ARMC9: variants seen among roughly 807,000 people sequenced by gnomAD.
The protein encoded by ARMC9 is lisH domain-containing protein ARMC9.
Under a neutral mutation model 107.0 loss-of-function variants are expected in ARMC9, and 94 were observed. That is an observed-to-expected ratio of 0.88 (90% CI 0.74 to 1.04). The LOEUF is 1.04. Ranked by LOEUF, ARMC9 falls within the 50% of genes least tolerant of loss-of-function variation. ARMC9 has a pLI of 0.00. For synonymous variants in ARMC9, 380 were observed against 396.9 expected (o/e 0.96, Z 0.51); for missense variants, 942 against 1,030.1 (o/e 0.91, Z 1.17).
intron 19 of ARMC9, among the ~76,000 whole-genome samples, chr2:231,329,968 A>G (rs898198207): frequency 6.6e-6 from 1 of 152,112 alleles, no homozygotes; most frequent in African/African-American, 2.4e-5. Context: ...TCCTTTTCCT[A>G]CAAATGTTCA....
intron 19 of ARMC9, among the ~76,000 whole-genome samples, chr2:231,313,645 G>T (rs1257180211): frequency 6.6e-6 from 1 of 151,964 alleles, no homozygotes; most frequent in African/African-American, 2.4e-5. Flanking sequence ...CCCTTGCCTG[G>T]GTCCCCCACC....
chr2:231,288,641 C>T (rs1195733950), intron 17 of ARMC9: 2 of 471,098 alleles, frequency 4.2e-6, no homozygotes, highest in Non-Finnish European at 8.8e-6. Context: ...GATGCTTTCT[C>T]TCATTTAATC....
chr2:231,299,997 C>T (rs749846530), intron 19 of ARMC9, among the ~76,000 whole-genome samples: 24 of 152,146 alleles, frequency 1.6e-4, no homozygotes, highest in Non-Finnish European at 3.2e-4. Context: ...ATGAAACAGA[C>T]GTAATATGTT....
intron 19 of ARMC9, among the ~76,000 whole-genome samples, chr2:231,321,072 G>C (rs545290119): frequency 1.3e-5 from 2 of 152,328 alleles, no homozygotes; most frequent in Admixed American, 6.5e-5. Context: ...AAGCCTCAGT[G>C]TTCTCATCTG....
intron 16 of ARMC9, among the ~76,000 whole-genome samples, chr2:231,279,286 T>A (rs1293477737): frequency 1.3e-5 from 2 of 152,208 alleles, no homozygotes; most frequent in African/African-American, 4.8e-5. Flanking sequence ...AGTAGAGGTA[T>A]GTATGGGTAA....
At chr2:231,222,055 G>A (rs1180396590) in intron 5 of ARMC9, among the ~76,000 whole-genome samples, 1 of 152,014 alleles carries the variant, frequency 6.6e-6, no homozygotes, top group Admixed American at 6.6e-5. Context: ...GCATTTTTGT[G>A]GAACTTCTTG....
chr2:231,222,944 C>A (rs2034295293), intron 6 of ARMC9, 124 bp downstream of exon 6: 2 of 580,104 alleles, frequency 3.4e-6, no homozygotes, highest in Non-Finnish European at 3.0e-6. Context: ...GTGTTGCTTT[C>A]ATATTTACAA....
At chr2:231,369,497 T>C (rs775654330) in intron 23 of ARMC9, among the ~76,000 whole-genome samples, 13 of 152,046 alleles carry the variant, frequency 8.6e-5, no homozygotes, top group Admixed American at 6.5e-4. Context: ...TCTCACCATA[T>C]TGGTCAGGCT....
chr2:231,212,120 TA>T (rs1290914712), intron 3 of ARMC9, among the ~76,000 whole-genome samples: 1 of 152,216 alleles, frequency 6.6e-6, no homozygotes, highest in Non-Finnish European at 1.5e-5. Context: ...TTTATGTGTA[TA>T]GTTCAGTAGT....
intron 19 of ARMC9, among the ~76,000 whole-genome samples, chr2:231,317,232 G>A (rs1490717366): frequency 1.3e-5 from 2 of 150,568 alleles, no homozygotes; most frequent in Non-Finnish European, 3.0e-5. Flanking sequence ...GCTCAATGGC[G>A]CAATCGTGGC....
chr2:231,245,675 T>G (rs1031513272), intron 9 of ARMC9, among the ~76,000 whole-genome samples: 1 of 152,226 alleles, frequency 6.6e-6, no homozygotes, highest in Non-Finnish European at 1.5e-5. Flanking sequence ...TGTGTATATT[T>G]TCTTTATCTT....
intron 23 of ARMC9, among the ~76,000 whole-genome samples, chr2:231,361,358 T>C (rs958385778): frequency 6.8e-6 from 1 of 147,560 alleles, no homozygotes; most frequent in African/African-American, 2.5e-5. Flanking sequence ...CCCAACACTT[T>C]GGGAGGCTGA....
chr2:231,265,271 A>G (rs1346615719), intron 12 of ARMC9, among the ~76,000 whole-genome samples: 1 of 152,224 alleles, frequency 6.6e-6, no homozygotes, highest in Non-Finnish European at 1.5e-5. Context: ...CCAAAGGAAA[A>G]GAAGTCATTA....
chr2:231,252,042 G>A lies in ARMC9; in HGVS notation c.880-4544G>A, dbSNP rs2037345248. On this transcript the variant is annotated intron_variant, in intron 9 of 24. Transcript: ENST00000611582. ...TGTAATAATGTTTATCAGACTGGCT[G>A]TACTCATGAAAGGGCCAATTATTAC... Among the ~76,000 whole-genome samples, 3 of 152,140 alleles carry A rather than the reference G, an allele frequency of 2.0e-5. No individual in the cohort carries two copies. In the South Asian group the frequency reaches 6.2e-4, roughly 32 times the overall value.
At chr2:231,264,327 C>T (rs945915574) in intron 12 of ARMC9, among the ~76,000 whole-genome samples, 4 of 151,322 alleles carry the variant, frequency 2.6e-5, no homozygotes, top group African/African-American at 7.3e-5. Flanking sequence ...TACAGGCGCC[C>T]GCCACCACAC....
chr2:231,367,767 G>C (rs569857332), intron 23 of ARMC9, among the ~76,000 whole-genome samples: 1 of 152,158 alleles, frequency 6.6e-6, no homozygotes, highest in Non-Finnish European at 1.5e-5. Flanking sequence ...TGGATCACCT[G>C]AGGTCAGGAG....
intron 5 of ARMC9, among the ~76,000 whole-genome samples, chr2:231,218,543 T>C (rs1423645608): frequency 1.3e-5 from 2 of 152,090 alleles, no homozygotes; most frequent in Non-Finnish European, 2.9e-5. Flanking sequence ...GAATCGGGGA[T>C]GGGGCCTAGC....
At chr2:231,370,524 C>T (rs1028209475) in intron 24 of ARMC9, 9 of 173,012 alleles carry the variant, frequency 5.2e-5, no homozygotes, top group Non-Finnish European at 1.1e-4. Context: ...TGGTCCAGCC[C>T]CTGGTTCAGC....
chr2:231,292,920 A>G (rs752611269), intron 18 of ARMC9, among the ~76,000 whole-genome samples: 1 of 152,204 alleles, frequency 6.6e-6, no homozygotes, highest in Non-Finnish European at 1.5e-5. Flanking sequence ...ACTGTACCCC[A>G]CACAAATTAA....
Sources: allele counts gnomAD v4.1 joint callset (sites outside exome capture counted in the v4.1 genomes callset), GRCh38; gene constraint gnomAD v4.1.1; transcripts MANE v1.5; gene names NCBI Gene and HGNC (gene_info 2026-07-23, HGNC 2026-07-21).